Variants in VPS53 observed in about 807,000 individuals in gnomAD.
VPS53 encodes vacuolar protein sorting-associated protein 53 homolog.
A neutral mutation model predicts 107.0 loss-of-function variants in VPS53; 70 were observed. The observed-to-expected ratio is 0.65, with a 90% CI of 0.54 to 0.80. The LOEUF (loss-of-function observed/expected upper bound fraction) is 0.80, where lower values mean the gene tolerates loss of function less well. Among genes scored for constraint, VPS53 ranks in the 30% least tolerant of loss-of-function variants. The pLI is 0.00. For missense variants in VPS53, 917 were observed against 1,049.4 expected, an observed-to-expected ratio of 0.87 and a Z score of 1.74; for synonymous variants, 409 against 393.3, an observed-to-expected ratio of 1.04 and a Z score of -0.47.
intron 12 of VPS53, chr17:600,766 T>TAAC (rs1968290135): frequency 6.6e-6 from 1 of 152,218 alleles, no homozygotes; most frequent in South Asian, 2.1e-4. Flanking sequence ...GCCAACCACT[T>TAAC]AACCTCTCTG....
At position 628,884 on chromosome 17, in the gene VPS53, C is replaced by T. The variant is rs529485824; in HGVS notation, c.688-653G>A. On this transcript the variant is annotated intron_variant, in intron 8 of 21. Coordinates refer to ENST00000437048, the MANE Select transcript of VPS53 (RefSeq NM_001128159.3). ...CAGGCGCTGTACTGACGCATCACGACGGGAAGGTCTTTGTTACCAAAAGCA... is the reference window on the plus strand; with the variant it reads ...CAGGCGCTGTACTGACGCATCACGATGGGAAGGTCTTTGTTACCAAAAGCA... 7.9e-5 allele frequency among the ~76,000 whole-genome samples: 12 copies of T among 152,312 alleles called. No individual in the cohort carries two copies. In the South Asian group the frequency reaches 2.1e-3, roughly 26 times the overall value.
intron 5 of VPS53, among the ~76,000 whole-genome samples, chr17:657,821 C>T (rs767411641): frequency 4.6e-5 from 7 of 151,550 alleles, no homozygotes; most frequent in Non-Finnish European, 8.8e-5. Flanking sequence ...GAAACTCGGC[C>T]GTTGAGGTCG....
rs144201358 is a variant in VPS53, at chr17:578,978, G to A, written c.1313+7292C>T. Among the ~76,000 whole-genome samples the A allele has an allele frequency of 1.6e-3, 231 of 147,296 alleles. 1 individual carries two copies. Among genetic ancestry groups the A allele is most frequent in the African/African-American group, 5.6e-3 (223 of 39,516 alleles). ...AAGATCCTCCCTCAGAACCTAATGCGTTCCCAGAGAACCCCCAACAGAATC... is the reference window on the plus strand; with the variant it reads ...AAGATCCTCCCTCAGAACCTAATGCATTCCCAGAGAACCCCCAACAGAATC... On this transcript the variant is annotated intron_variant, in intron 13 of 21. Coordinates refer to ENST00000437048, the MANE Select transcript of VPS53 (RefSeq NM_001128159.3).
At chr17:655,812 CA>C in intron 6 of VPS53, 25 bp downstream of exon 6, 1 of 1,595,920 alleles carries the variant, frequency 6.3e-7, no homozygotes, top group Non-Finnish European at 8.6e-7. Flanking sequence ...CCCGTGGCCC[CA>C]AAAGAGAAAG....
chr17:558,227 G>A (rs1912614683), intron 15 of VPS53, among the ~76,000 whole-genome samples: 1 of 152,232 alleles, frequency 6.6e-6, no homozygotes, highest in Admixed American at 6.5e-5. Flanking sequence ...CAGCACTTTG[G>A]AAGGCCAAGG....
chr17:529,488 A>G (rs1473664407), intron 19 of VPS53, among the ~76,000 whole-genome samples: 22 of 152,156 alleles, frequency 1.4e-4, no homozygotes, highest in Admixed American at 1.4e-3. Flanking sequence ...AATTCTATCT[A>G]TAGATTAATT....
chr17:627,295 C>G lies in VPS53; in HGVS notation c.853G>C (p.Asp285His). The change falls in exon 10 of 22, where the codon GAC (aspartate) becomes CAC (histidine). Residue 285 changes from aspartate (D) to histidine (H), a missense_variant. Physicochemically the swap from Asp to His is moderately conservative, Grantham distance 81 (BLOSUM62 -1). Coordinates refer to ENST00000437048, the MANE Select transcript of VPS53 (RefSeq NM_001128159.3). Reference sequence around the variant, plus strand: ...CGTTTTATCCAGGCATAGCGTCTGTCGATTTTGTCCAGCCAGGCAACCTGG... The same window carrying G: ...CGTTTTATCCAGGCATAGCGTCTGTGGATTTTGTCCAGCCAGGCAACCTGG... ...NQDVAWLDKI[D>H]RRYAWIKRQL... 6.2e-7 allele frequency: 1 copy of G among 1,613,588 alleles called. No homozygotes were observed. Among genetic ancestry groups the G allele is most frequent in the Non-Finnish European group, 8.5e-7 (1 of 1,179,878 alleles).
chr17:672,109 G>GACACACAC (rs10630363), intron 4 of VPS53, among the ~76,000 whole-genome samples: 12,455 of 108,548 alleles, frequency 0.11, 607 homozygotes, highest in Non-Finnish European at 0.14. Flanking sequence ...TGATGAGGGT[G>GACACACAC]ACACACACAC....
At chr17:523,797 A>C (rs555001802) in intron 19 of VPS53, among the ~76,000 whole-genome samples, 1 of 152,270 alleles carries the variant, frequency 6.6e-6, no homozygotes, top group South Asian at 2.1e-4. Context: ...TGCTTTGTTG[A>C]AAAGGCCAAG....
At chr17:594,294 G>A (rs1967836773) in intron 12 of VPS53, among the ~76,000 whole-genome samples, 1 of 152,222 alleles carries the variant, frequency 6.6e-6, no homozygotes. Context: ...TTGTGCACAT[G>A]TACCCTAAAA....
At position 577,947 on chromosome 17, in the gene VPS53, G is replaced by A. The variant is rs452977; in HGVS notation, c.1313+8323C>T. Reference sequence around the variant, plus strand: ...AAGATCCTCCCTCAGGACCTAATGCGTTCCCAAAGATCCTCCTTCAGAATC... The same window carrying A: ...AAGATCCTCCCTCAGGACCTAATGCATTCCCAAAGATCCTCCTTCAGAATC... On this transcript the variant is annotated intron_variant, in intron 13 of 21. Transcript: ENST00000437048. Among the ~76,000 whole-genome samples the A allele has an allele frequency of 9.7e-3, 1,453 of 150,364 alleles. 29 individuals carry two copies. Among genetic ancestry groups the A allele is most frequent in the African/African-American group, 0.034 (1,385 of 40,770 alleles).
chr17:681,555 G>T (rs1382411811), intron 4 of VPS53, among the ~76,000 whole-genome samples: 3 of 152,238 alleles, frequency 2.0e-5, no homozygotes, highest in Admixed American at 6.5e-5. Context: ...AATCTGTTGT[G>T]ATCTGTTGTT....
At chr17:695,863 T>G (rs1237007932) in intron 4 of VPS53, among the ~76,000 whole-genome samples, 1 of 152,160 alleles carries the variant, frequency 6.6e-6, no homozygotes, top group Non-Finnish European at 1.5e-5. Flanking sequence ...TGGATTTCAT[T>G]TAGTGGCCAG....
chr17:669,571 T>G (rs1597465000), intron 4 of VPS53, among the ~76,000 whole-genome samples: 1 of 126,378 alleles, frequency 7.9e-6, no homozygotes, highest in Non-Finnish European at 1.7e-5. Flanking sequence ...CCAGCCTGGG[T>G]GACAGAGACA....
chr17:657,384 ATCT>A (rs1971237038), intron 5 of VPS53: 2 of 798,898 alleles, frequency 2.5e-6, no homozygotes, highest in South Asian at 1.4e-5. Flanking sequence ...CTGCATGCAA[ATCT>A]TCTTAAGTCT....
chr17:628,922 A>C (rs1969829298), intron 8 of VPS53, among the ~76,000 whole-genome samples: 1 of 152,234 alleles, frequency 6.6e-6, no homozygotes, highest in South Asian at 2.1e-4. Flanking sequence ...TCAATGACCA[A>C]AGTTTTGCTG....
intron 4 of VPS53, among the ~76,000 whole-genome samples, chr17:685,612 T>C (rs759118350): frequency 3.9e-5 from 6 of 152,218 alleles, no homozygotes; most frequent in Admixed American, 1.3e-4. Flanking sequence ...CATGTATTAA[T>C]AAATTTTCAA....
chr17:593,666 C>A (rs1281380594), intron 12 of VPS53, among the ~76,000 whole-genome samples: 2 of 152,174 alleles, frequency 1.3e-5, no homozygotes, highest in African/African-American at 4.8e-5. Context: ...ACAACCGGTG[C>A]TGGAGAGGAT....
chr17:676,089 C>T (rs1972146139), intron 4 of VPS53: 1 of 152,168 alleles, frequency 6.6e-6, no homozygotes, highest in Non-Finnish European at 1.5e-5. Flanking sequence ...TTTGGTTTTG[C>T]AAAACTAATC....
Sources: allele counts gnomAD v4.1 joint callset (sites outside exome capture counted in the v4.1 genomes callset), GRCh38; gene constraint gnomAD v4.1.1; transcripts MANE v1.5; gene names NCBI Gene and HGNC (gene_info 2026-07-23, HGNC 2026-07-21).